ARHGAP39: variants seen among roughly 807,000 people sequenced by gnomAD.
The protein encoded by ARHGAP39 is rho GTPase-activating protein 39.
A neutral mutation model predicts 106.9 loss-of-function variants in ARHGAP39; 44 were observed. The ratio of observed to expected loss-of-function variants is 0.41; its 90% CI spans 0.32 to 0.53. The LOEUF (loss-of-function observed/expected upper bound fraction) is 0.53. Ranked by LOEUF, ARHGAP39 falls within the 20% of genes least tolerant of loss-of-function variation. The probability of loss-of-function intolerance (pLI) is 0.21; values close to 1 mark genes in which losing one functional copy is unlikely to be tolerated. For missense variants in ARHGAP39, 1,496 were observed against 1,577.3 expected (o/e 0.95, Z 0.87); for synonymous variants, 768 against 693.2 (o/e 1.11, Z -1.69).
chr8:144,606,354 C>T (rs781651386), intron 1 of ARHGAP39, among the ~76,000 whole-genome samples: 7 of 152,226 alleles, frequency 4.6e-5, no homozygotes, highest in Non-Finnish European at 8.8e-5. Context: ...CAACCCCCTT[C>T]CTCTTCCTTC....
chr8:144,548,673 G>C lies in ARHGAP39; in HGVS notation c.597-184C>G, dbSNP rs1311187374. On this transcript the variant is annotated intron_variant, in intron 4 of 11. Coordinates refer to ENST00000377307, the MANE Select transcript of ARHGAP39 (RefSeq NM_025251.3). This position sits in a 1 kb window ranked among gnomAD's most constrained non-coding sequence, Gnocchi z 7.4. ...CCCAGCACCCCCAGCCCTCCCTCTGGGGCTCTCCTGGAGCTGCCGCCCACG... is the reference window on the plus strand; with the variant it reads ...CCCAGCACCCCCAGCCCTCCCTCTGCGGCTCTCCTGGAGCTGCCGCCCACG... Among the ~76,000 whole-genome samples the C allele has an allele frequency of 6.6e-6, 1 of 152,122 alleles. No homozygotes were observed. The highest frequency in any genetic ancestry group is 1.5e-5 in the Non-Finnish European group (1 of 67,982).
At chr8:144,627,302 T>C (rs1820944224) in intron 1 of ARHGAP39, among the ~76,000 whole-genome samples, 7 of 152,092 alleles carry the variant, frequency 4.6e-5, no homozygotes, top group Admixed American at 3.9e-4. Flanking sequence ...ATGCCTGTAA[T>C]CCCAGCATTT....
intron 1 of ARHGAP39, among the ~76,000 whole-genome samples, chr8:144,627,335 C>G (rs989540908): frequency 1.3e-5 from 2 of 152,090 alleles, no homozygotes; most frequent in Non-Finnish European, 2.9e-5. Flanking sequence ...GCAGGTGGAT[C>G]ACGAGGTCAG....
At chr8:144,557,043 T>G (rs1382850941) in intron 3 of ARHGAP39, among the ~76,000 whole-genome samples, 1 of 144,890 alleles carries the variant, frequency 6.9e-6, no homozygotes, top group Non-Finnish European at 1.5e-5. Context: ...GGCTGAACCT[T>G]CATAGTATTC....
At chr8:144,626,890 G>A (rs1820931873) in intron 1 of ARHGAP39, among the ~76,000 whole-genome samples, 1 of 152,252 alleles carries the variant, frequency 6.6e-6, no homozygotes. Flanking sequence ...CAGCATGGAG[G>A]CAGCAGCACT....
Position 144,533,206 on chromosome 8 carries a change from C to T in ARHGAP39, c.2808G>A (p.Glu936=). 3.1e-6 allele frequency: 5 copies of T among 1,612,802 alleles called. No homozygotes were observed. Among genetic ancestry groups the T allele is most frequent in the Non-Finnish European group, 4.2e-6 (5 of 1,179,942 alleles). ...VMGMQRERYP[E]RQLPWVQTRL... The stretch of plus-strand genomic sequence containing the variant: ...GTGTCTGCACCCAGGGCAGCTGGCG[C>T]TCGGGGTAGCGCTCTCTCTGCATGC... The change falls in exon 9 of 12, where the codon GAG becomes GAA. Residue 936 remains glutamate, a synonymous_variant. Transcript: ENST00000377307.
At chr8:144,575,929 C>G in intron 3 of ARHGAP39, among the ~76,000 whole-genome samples, 1 of 152,186 alleles carries the variant, frequency 6.6e-6, no homozygotes, top group Admixed American at 6.5e-5. Flanking sequence ...TGAGACCACT[C>G]TCATATATGC....
rs1050936049 is a variant in ARHGAP39 at position 144,605,826 on chromosome 8, C to T, written c.-81-131G>A. ...CTCCACGGCACCCGTGAGCCGCCCCCGGGCAGCCAACCCCACTCCTCAGTG... is the reference window on the plus strand; with the variant it reads ...CTCCACGGCACCCGTGAGCCGCCCCTGGGCAGCCAACCCCACTCCTCAGTG... On this transcript the variant is annotated intron_variant, in intron 1 of 11. Transcript: ENST00000377307. 1.1e-4 allele frequency: 63 copies of T among 589,036 alleles called. No homozygotes were observed. In the South Asian group the frequency reaches 1.1e-3, roughly 11 times the overall value. 36.5% of individuals were successfully genotyped at this position (589,036 alleles called of 1,614,324 possible). A position where few individuals can be genotyped will look rare whatever the true frequency, so the allele number is the denominator to read the frequency against.
At position 144,581,241 on chromosome 8, in the gene ARHGAP39, G is replaced by A. The variant is rs1161716024; in HGVS notation, c.117C>T (p.Arg39=). 6.4e-7 allele frequency: 1 copy of A among 1,553,094 alleles called. No homozygotes were observed. Among genetic ancestry groups the A allele is most frequent in the South Asian group, 1.2e-5 (1 of 84,304 alleles). Residue 39 remains arginine (R), a synonymous_variant, in exon 3 of 12, where the codon CGC becomes CGT. Coordinates refer to ENST00000377307, the MANE Select transcript of ARHGAP39 (RefSeq NM_025251.3). ...TGACCAGGTTGGCGTACATGCGCTCGCGGGTGCGCGGTTCGATGATCTCCA... is the reference window on the plus strand; with the variant it reads ...TGACCAGGTTGGCGTACATGCGCTCACGGGTGCGCGGTTCGATGATCTCCA... ...EWVEIIEPRT[R]ERMYANLVTG...
At chr8:144,627,230 G>A (rs1820941503) in intron 1 of ARHGAP39, among the ~76,000 whole-genome samples, 2 of 152,186 alleles carry the variant, frequency 1.3e-5, no homozygotes, top group Admixed American at 6.5e-5. Context: ...TTCATTTTCA[G>A]CTGGTTGACC....
At chr8:144,574,484 C>T (rs933340044) in intron 3 of ARHGAP39, among the ~76,000 whole-genome samples, 1 of 152,156 alleles carries the variant, frequency 6.6e-6, no homozygotes, top group Non-Finnish European at 1.5e-5. Context: ...TCCTGGCTAA[C>T]ACGGTGCAAC....
At chr8:144,572,246 C>T (rs1818612595) in intron 3 of ARHGAP39, among the ~76,000 whole-genome samples, 1 of 152,148 alleles carries the variant, frequency 6.6e-6, no homozygotes, top group African/African-American at 2.4e-5. Context: ...GCTACAGTAA[C>T]CAAAAGAGCA....
At chr8:144,699,124 T>G in the ARHGAP39 span, 1 of 313,574 alleles carries the variant, frequency 3.2e-6, no homozygotes, top group Admixed American at 4.5e-5. Flanking sequence ...CGCTGGGCGA[T>G]GCAGGGGGTG....
intron 1 of ARHGAP39, among the ~76,000 whole-genome samples, chr8:144,666,553 C>T (rs1248040454): frequency 1.3e-5 from 2 of 152,216 alleles, no homozygotes; most frequent in South Asian, 2.1e-4. Context: ...GTGCTATTCT[C>T]GTGATAGTGA....
chr8:144,610,036 C>T (rs963583612), intron 1 of ARHGAP39, among the ~76,000 whole-genome samples: 7 of 152,144 alleles, frequency 4.6e-5, no homozygotes, highest in Non-Finnish European at 8.8e-5. Flanking sequence ...AAAATTTCTT[C>T]TTACGTGAGT....
chr8:144,648,033 C>T (rs966502479), intron 1 of ARHGAP39, among the ~76,000 whole-genome samples: 45 of 152,170 alleles, frequency 3.0e-4, no homozygotes, highest in Non-Finnish European at 7.4e-5. Flanking sequence ...TCACTCCTGG[C>T]ACACACAATG....
Position 144,581,133 on chromosome 8 carries a change from G to A in ARHGAP39, c.225C>T (p.Pro75=), listed in dbSNP as rs1476108298. The A allele has an allele frequency of 6.3e-7, 1 of 1,588,462 alleles. No homozygotes were observed. The highest frequency in any genetic ancestry group is 8.6e-7 in the Non-Finnish European group (1 of 1,168,474). ...SENQWWELFD[P]NTSRFYYYNA... is the part of the protein sequence containing the mutation. ...TGTAGTAGTAGAAGCGGGACGTGTT[G>A]GGGTCGAACAGCTCCCACCACTGGT... is the stretch of plus-strand genomic sequence containing the variant. The change falls in exon 3 of 12, where the codon CCC becomes CCT. Residue 75 remains proline, a synonymous_variant. Coordinates refer to ENST00000377307, the MANE Select transcript of ARHGAP39 (RefSeq NM_025251.3).
chr8:144,584,331 T>A (rs1161472499), intron 2 of ARHGAP39: 1 of 152,186 alleles, frequency 6.6e-6, no homozygotes, highest in Admixed American at 6.5e-5. Context: ...CTTTTCACAC[T>A]GAAGTCATTA....
At chr8:144,665,214 T>C (rs1821933072) in intron 1 of ARHGAP39, among the ~76,000 whole-genome samples, 2 of 152,158 alleles carry the variant, frequency 1.3e-5, no homozygotes, top group South Asian at 2.1e-4. Context: ...CGACTTAGGG[T>C]ATCTGGCAGA....
Sources: allele counts gnomAD v4.1 joint callset (sites outside exome capture counted in the v4.1 genomes callset), GRCh38; gene constraint gnomAD v4.1.1; non-coding constraint Gnocchi (gnomAD v3.1); transcripts MANE v1.5; gene names NCBI Gene and HGNC (gene_info 2026-07-23, HGNC 2026-07-21).